Variants in DOCK8 observed in about 807,000 individuals in gnomAD.
The protein encoded by DOCK8 is dedicator of cytokinesis 8, also known as dedicator of cytokinesis protein 8.
DOCK8 carries 141 observed loss-of-function variants against 245.6 expected under a neutral mutation model. The observed-to-expected ratio is 0.57, with a 90% confidence interval of 0.50 to 0.66. DOCK8 has a LOEUF of 0.66. DOCK8 is among the 30% of genes least tolerant of loss of function. DOCK8 has a pLI of 0.00. For missense variants in DOCK8, 2,965 were observed against 2,603.4 expected (o/e 1.14, Z -3.02); for synonymous variants, 1,168 against 970.2 (o/e 1.20, Z -3.79).
chr9:355,200 T>C (rs1381600982), intron 14 of DOCK8, among the ~76,000 whole-genome samples: 17,611 of 105,164 alleles, frequency 0.17, 2,131 homozygotes, highest in African/African-American at 0.3. Context: ...TTCTTTTTTT[T>C]TTTTTTTTTT....
chr9:211,413 T>A (rs112293559), upstream of DOCK8, among the ~76,000 whole-genome samples: 1 of 151,334 alleles, frequency 6.6e-6, no homozygotes, highest in South Asian at 2.1e-4. Context: ...CAAAGCTAAA[T>A]GAGCAGAGAA....
intron 25 of DOCK8, 43 bp from the exon 26 acceptor site, chr9:399,103 A>C (rs1360190748): frequency 1.3e-6 from 2 of 1,576,984 alleles, no homozygotes; most frequent in South Asian, 2.2e-5. Context: ...GTTCAAATCC[A>C]GAGTGTCCCA....
At chr9:431,673 TA>T (rs555164077) in intron 36 of DOCK8, among the ~76,000 whole-genome samples, 18 of 152,240 alleles carry the variant, frequency 1.2e-4, no homozygotes, top group Non-Finnish European at 2.6e-4. Context: ...CATGCCCAGC[TA>T]ATTTTTGTAT....
intron 11 of DOCK8, among the ~76,000 whole-genome samples, chr9:335,512 A>G (rs1358783357): frequency 6.6e-6 from 1 of 152,196 alleles, no homozygotes; most frequent in East Asian, 1.9e-4. Flanking sequence ...CATAATCACC[A>G]GTCAGAACTC....
At chr9:313,364 A>T (rs1475904340) in intron 6 of DOCK8, among the ~76,000 whole-genome samples, 2 of 152,174 alleles carry the variant, frequency 1.3e-5, no homozygotes, top group Non-Finnish European at 2.9e-5. Flanking sequence ...CACCTTCACC[A>T]AATGTGGCAA....
intron 8 of DOCK8, 50 bp downstream of exon 8, chr9:325,787 A>G: frequency 6.8e-7 from 1 of 1,472,308 alleles, no homozygotes. Context: ...ATTGTTCATG[A>G]TTCTTTGCAT....
chr9:213,123 C>G (rs1393927864), upstream of DOCK8: 3 of 151,960 alleles, frequency 2.0e-5, no homozygotes, highest in Non-Finnish European at 4.4e-5. Flanking sequence ...TTCAAAAAAG[C>G]TTTATTTTTC....
chr9:222,476 C>T (rs1229074388), intron 1 of DOCK8, among the ~76,000 whole-genome samples: 1 of 152,118 alleles, frequency 6.6e-6, no homozygotes, highest in Non-Finnish European at 1.5e-5. Context: ...TGTTTCTGCT[C>T]CTACCAGTGG....
chr9:379,457 G>T (rs779693128), intron 20 of DOCK8, among the ~76,000 whole-genome samples: 1 of 152,098 alleles, frequency 6.6e-6, no homozygotes, highest in East Asian at 1.9e-4. Flanking sequence ...GTGTGTGTCC[G>T]CAGCCCCCAC....
At chr9:366,278 A>G (rs937455916) in intron 14 of DOCK8, 1 of 152,458 alleles carries the variant, frequency 6.6e-6, no homozygotes, top group African/African-American at 2.4e-5. Flanking sequence ...AGCAACTCAT[A>G]CTTGCTCCCA....
chr9:345,716 C>T (rs991507423), intron 14 of DOCK8, among the ~76,000 whole-genome samples: 5 of 152,184 alleles, frequency 3.3e-5, no homozygotes, highest in Non-Finnish European at 1.5e-5. Flanking sequence ...TTTTCTTTGC[C>T]CTGCCCCTTC....
chr9:442,385 C>T (rs1194006066), intron 42 of DOCK8, among the ~76,000 whole-genome samples: 1 of 152,174 alleles, frequency 6.6e-6, no homozygotes, highest in South Asian at 2.1e-4. Context: ...TGAAGTTTAG[C>T]ATCTTGACTT....
intron 33 of DOCK8, among the ~76,000 whole-genome samples, chr9:426,612 C>T (rs1587001463): frequency 6.6e-6 from 1 of 152,194 alleles, no homozygotes; most frequent in Non-Finnish European, 1.5e-5. Context: ...ATAACTGCTT[C>T]TCTACCCATA....
intron 14 of DOCK8, among the ~76,000 whole-genome samples, chr9:341,816 ACT>A (rs1305077249): frequency 3.3e-5 from 5 of 151,932 alleles, no homozygotes; most frequent in Non-Finnish European, 7.4e-5. Context: ...ATTTACAGCC[ACT>A]CCCCATTGCT....
chr9:306,649 C>T (rs1480245909), intron 5 of DOCK8, among the ~76,000 whole-genome samples: 1 of 152,198 alleles, frequency 6.6e-6, no homozygotes, highest in Non-Finnish European at 1.5e-5. Context: ...ATCAGAATCT[C>T]CCAGAGGGTT....
intron 4 of DOCK8, among the ~76,000 whole-genome samples, chr9:293,172 G>A (rs1239737503): frequency 6.6e-6 from 1 of 152,106 alleles, no homozygotes; most frequent in Non-Finnish European, 1.5e-5. Flanking sequence ...TCAGTTTCTG[G>A]CAAGCTTTCT....
At position 417,349 on chromosome 9, in the gene DOCK8, T is replaced by A. The variant is rs2056071658; in HGVS notation, c.3701-719T>A. Among the ~76,000 whole-genome samples, 3 of 152,224 alleles carry A rather than the reference T, an allele frequency of 2.0e-5. No homozygotes were observed. The South Asian group carries it at 6.2e-4, about 32-fold the overall frequency. ...TTCACAACTTTAGTAGAAGAAATGT[T>A]ATTTACACTCAAATTTTTCTAAATA... is the stretch of plus-strand genomic sequence containing the variant. On this transcript the variant is annotated intron_variant, in intron 29 of 47. Coordinates refer to ENST00000432829, the MANE Select transcript of DOCK8 (RefSeq NM_203447.4).
intron 14 of DOCK8, among the ~76,000 whole-genome samples, chr9:363,094 G>A (rs2052804451): frequency 6.6e-6 from 1 of 152,172 alleles, no homozygotes; most frequent in South Asian, 2.1e-4. Flanking sequence ...AAAATAGTTT[G>A]TAATCAAGAA....
chr9:449,078 C>T (rs1032474977), intron 44 of DOCK8, among the ~76,000 whole-genome samples: 2 of 152,148 alleles, frequency 1.3e-5, no homozygotes, highest in East Asian at 1.9e-4. Flanking sequence ...AGGCTGTGTG[C>T]GGTGGCTCTT....
Sources: gnomAD v4.1 joint callset for allele counts (sites outside exome capture counted in the v4.1 genomes callset) on GRCh38, gnomAD v4.1.1 for gene constraint, MANE v1.5 for transcripts, NCBI Gene and HGNC (gene_info 2026-07-23, HGNC 2026-07-21) for gene names.